The following PTPRN2 variants were observed in gnomAD, a reference collection of about 807,000 sequenced individuals.
The protein encoded by PTPRN2 is protein tyrosine phosphatase receptor type N2, also known as receptor-type tyrosine-protein phosphatase N2.
In PTPRN2, 74 loss-of-function variants were observed where a neutral mutation model predicts 118.8. The ratio of observed to expected loss-of-function variants is 0.62; its 90% CI spans 0.52 to 0.76. The LOEUF is 0.76. Among genes scored for constraint, PTPRN2 ranks in the 30% least tolerant of loss-of-function variants. The pLI, the probability that PTPRN2 is intolerant of heterozygous loss-of-function variation, is 0.00. For missense variants in PTPRN2, 1,481 were observed against 1,394.4 expected (o/e 1.06, Z -0.99); for synonymous variants, 641 against 608.0 (o/e 1.05, Z -0.80).
chr7:158,243,801 C>G (rs75906814), intron 3 of PTPRN2, among the ~76,000 whole-genome samples: 5,264 of 151,894 alleles, frequency 0.035, 124 homozygotes, highest in East Asian at 0.11. Flanking sequence ...CTATATATCT[C>G]CTAAGTATCA....
At chr7:158,405,045 T>C (rs1586589254) in intron 2 of PTPRN2, among the ~76,000 whole-genome samples, 2 of 81,668 alleles carry the variant, frequency 2.4e-5, no homozygotes, top group African/African-American at 9.8e-5. Context: ...GGCCCCCAGC[T>C]CCCCGGCCCC....
chr7:158,331,378 G>A (rs1430175814), intron 2 of PTPRN2, among the ~76,000 whole-genome samples: 1 of 126,396 alleles, frequency 7.9e-6, no homozygotes, highest in African/African-American at 3.3e-5. Context: ...ACCCGCAGAA[G>A]TCACTCACAC....
At chr7:158,257,541 T>C (rs1035373687) in intron 3 of PTPRN2, among the ~76,000 whole-genome samples, 3 of 152,162 alleles carry the variant, frequency 2.0e-5, no homozygotes, top group Non-Finnish European at 2.9e-5. Context: ...CTGGGAATCA[T>C]AGGATAAGAG....
chr7:157,982,974 A>T (rs868723049), intron 11 of PTPRN2, among the ~76,000 whole-genome samples: 1 of 47,706 alleles, frequency 2.1e-5, no homozygotes, highest in African/African-American at 9.0e-5. Context: ...TGCAGAGTGC[A>T]GGGTCCCCCC....
intron 11 of PTPRN2, among the ~76,000 whole-genome samples, chr7:157,962,678 G>A (rs185145310): frequency 6.4e-4 from 97 of 152,298 alleles, no homozygotes; most frequent in African/African-American, 1.9e-3. Flanking sequence ...GGAAGAGTCC[G>A]GTGGGAAGGG....
rs888037443 is a variant in PTPRN2 at position 157,653,439 on chromosome 7, C to T, written c.2196+2918G>A. Among the ~76,000 whole-genome samples the T allele has an allele frequency of 1.4e-4, 22 of 152,240 alleles. No homozygotes were observed. In the Middle Eastern group the frequency reaches 0.014, roughly 94 times the overall value. ...TTGTAGCTGTGATGAGTCGGAAGGT[C>T]GGCGACTCTGATGCGTTCCTGCGGC... On this transcript the variant is annotated intron_variant, in intron 14 of 22. Coordinates refer to ENST00000389418, the MANE Select transcript of PTPRN2 (RefSeq NM_002847.5).
At chr7:157,999,568 G>C (rs1160875912) in intron 11 of PTPRN2, among the ~76,000 whole-genome samples, 1 of 152,070 alleles carries the variant, frequency 6.6e-6, no homozygotes, top group African/African-American at 2.4e-5. Flanking sequence ...TCCCTGGCTG[G>C]ACTTGCTGGC....
intron 2 of PTPRN2, among the ~76,000 whole-genome samples, chr7:158,409,600 C>T (rs79622327): frequency 0.022 from 3,373 of 152,242 alleles, 85 homozygotes; most frequent in South Asian, 0.1. Flanking sequence ...GGAGAATTTA[C>T]GAAGCATCCA....
intron 1 of PTPRN2, among the ~76,000 whole-genome samples, chr7:158,567,424 G>A (rs868047846): frequency 9.9e-5 from 15 of 152,208 alleles, no homozygotes; most frequent in African/African-American, 3.4e-4. Flanking sequence ...CATGATGCAA[G>A]CAGAGATTAT....
At chr7:158,388,812 T>C (rs1172350306) in intron 2 of PTPRN2, among the ~76,000 whole-genome samples, 1 of 152,164 alleles carries the variant, frequency 6.6e-6, no homozygotes, top group African/African-American at 2.4e-5. Context: ...AAGACACTCA[T>C]CGCCCCAGAG....
intron 12 of PTPRN2, among the ~76,000 whole-genome samples, chr7:157,806,522 A>G (rs1322311503): frequency 7.2e-5 from 11 of 152,204 alleles, no homozygotes; most frequent in Admixed American, 7.2e-4. Context: ...ATAGATGCAT[A>G]TACGTGTATA....
In PTPRN2 at chr7:157,690,946, G is replaced by T. The variant is rs1375578364; in HGVS notation, c.1789-8009C>A. The stretch of plus-strand genomic sequence containing the variant: ...GGCTCCGGACGGTCCCGGTAGGGCC[G>T]CCGGCCGCGCGCGTAGCACCAACCA... On this transcript the variant is annotated intron_variant, in intron 12 of 22. Transcript: ENST00000389418. This position sits in a 1 kb window ranked among gnomAD's most constrained non-coding sequence, Gnocchi z 7.1. 2.1e-5 allele frequency among the ~76,000 whole-genome samples: 3 copies of T among 145,232 alleles called. No individual in the cohort carries two copies. The highest frequency in any genetic ancestry group is 3.1e-5 in the Non-Finnish European group (2 of 65,492).
rs75445641 is a variant in PTPRN2 at position 157,961,970 on chromosome 7, G to A, written c.1724-63233C>T. 3.7e-4 allele frequency among the ~76,000 whole-genome samples: 56 copies of A among 152,224 alleles called. No homozygotes were observed. In the East Asian group the frequency reaches 8.7e-3, roughly 24 times the overall value. On this transcript the variant is annotated intron_variant, in intron 11 of 22. Transcript: ENST00000389418. Reference sequence around the variant, plus strand: ...ACACCTGGACCCGGGGTGTGTGGGAGGCTCTGGAAGAGCCACTCTGTGTCC... The same window carrying A: ...ACACCTGGACCCGGGGTGTGTGGGAAGCTCTGGAAGAGCCACTCTGTGTCC...
chr7:158,204,228 G>A (rs1440085564), intron 4 of PTPRN2, among the ~76,000 whole-genome samples: 1 of 146,696 alleles, frequency 6.8e-6, no homozygotes, highest in Middle Eastern at 3.8e-3. Context: ...CCCGCCCTCG[G>A]TGTGCGCCGC....
intron 5 of PTPRN2, among the ~76,000 whole-genome samples, chr7:158,168,458 C>T (rs1002477655): frequency 3.9e-5 from 6 of 152,140 alleles, no homozygotes; most frequent in Admixed American, 1.3e-4. Context: ...GTATTTTTTG[C>T]CTGCACTGGT....
intron 3 of PTPRN2, among the ~76,000 whole-genome samples, chr7:158,235,338 C>T (rs959657261): frequency 8.5e-5 from 13 of 152,066 alleles, no homozygotes; most frequent in African/African-American, 1.2e-4. Context: ...AATATGGAGT[C>T]GACCTAAGTG....
At chr7:157,791,936 T>A (rs1034147846) in intron 12 of PTPRN2, among the ~76,000 whole-genome samples, 2 of 152,196 alleles carry the variant, frequency 1.3e-5, no homozygotes, top group African/African-American at 4.8e-5. Context: ...ACGGAAAATA[T>A]GTGCGGCTTT....
intron 11 of PTPRN2, among the ~76,000 whole-genome samples, chr7:157,921,822 A>C (rs1798707005): frequency 6.6e-6 from 1 of 152,208 alleles, no homozygotes; most frequent in Non-Finnish European, 1.5e-5. Context: ...TTATTATAGC[A>C]ACAAAAATCC....
intron 12 of PTPRN2, among the ~76,000 whole-genome samples, chr7:157,747,142 C>G (rs1306110624): frequency 9.0e-6 from 1 of 111,088 alleles, no homozygotes; most frequent in Non-Finnish European, 1.8e-5. Context: ...GAGCTGTGGG[C>G]TGTTGAGGTG....
Sources: gnomAD v4.1 joint callset for allele counts (sites outside exome capture counted in the v4.1 genomes callset) on GRCh38, gnomAD v4.1.1 for gene constraint, Gnocchi (gnomAD v3.1) non-coding constraint, MANE v1.5 for transcripts, NCBI Gene and HGNC (gene_info 2026-07-23, HGNC 2026-07-21) for gene names.